The following EPHA6 variants were observed in gnomAD, a reference collection of about 807,000 sequenced individuals.
The protein encoded by EPHA6 is ephrin type-A receptor 6.
In EPHA6, 50 loss-of-function variants were observed where a neutral mutation model predicts 112.0. The observed-to-expected ratio is 0.45, with a 90% CI of 0.36 to 0.56. The LOEUF (loss-of-function observed/expected upper bound fraction) is 0.56. Among genes scored for constraint, EPHA6 ranks in the 20% least tolerant of loss-of-function variants. The pLI, the probability that EPHA6 is intolerant of heterozygous loss-of-function variation, is 0.00. For synonymous variants in EPHA6, 529 were observed against 490.7 expected (o/e 1.08, Z -1.03); for missense variants, 1,280 against 1,417.4 (o/e 0.90, Z 1.56).
At chr3:97,356,810 A>G (rs1293829272) in intron 5 of EPHA6, among the ~76,000 whole-genome samples, 2 of 152,062 alleles carry the variant, frequency 1.3e-5, no homozygotes, top group Admixed American at 6.6e-5. Context: ...TAGTAGGTTC[A>G]TTGTGGTTTA....
intron 3 of EPHA6, among the ~76,000 whole-genome samples, chr3:97,161,646 A>G (rs1030448049): frequency 7.2e-5 from 11 of 152,092 alleles, no homozygotes; most frequent in Admixed American, 3.9e-4. Context: ...GAGAGGTCAG[A>G]TGCAACAACT....
At chr3:97,291,860 C>A (rs2108686894) in intron 5 of EPHA6, among the ~76,000 whole-genome samples, 1 of 152,320 alleles carries the variant, frequency 6.6e-6, no homozygotes, top group African/African-American at 2.4e-5. Flanking sequence ...CAGCCGGAAA[C>A]CTCTGTGGCC....
At chr3:97,154,867 G>C (rs927567867) in intron 3 of EPHA6, among the ~76,000 whole-genome samples, 2 of 152,070 alleles carry the variant, frequency 1.3e-5, no homozygotes, top group African/African-American at 4.8e-5. Flanking sequence ...ATCTCAATTA[G>C]TTTAATTGAC....
intron 14 of EPHA6, among the ~76,000 whole-genome samples, chr3:97,639,956 T>G (rs2093986228): frequency 6.6e-6 from 1 of 152,028 alleles, no homozygotes; most frequent in African/African-American, 2.4e-5. Context: ...AATCAAGTTT[T>G]TTTTTTTTAA....
chr3:97,669,593 C>A (rs76239078), intron 14 of EPHA6, among the ~76,000 whole-genome samples: 5 of 144,112 alleles, frequency 3.5e-5, no homozygotes, highest in Non-Finnish European at 4.5e-5. Context: ...GATATCCCAT[C>A]TTAAAAAAAA....
chr3:96,913,380 AT>A (rs1031152178), intron 2 of EPHA6, among the ~76,000 whole-genome samples: 1 of 151,916 alleles, frequency 6.6e-6, no homozygotes, highest in African/African-American at 2.4e-5. Context: ...AAAAAAAAAA[AT>A]AATGTGGATT....
intron 3 of EPHA6, among the ~76,000 whole-genome samples, chr3:97,121,778 G>T (rs1380167482): frequency 6.6e-6 from 1 of 152,062 alleles, no homozygotes; most frequent in Non-Finnish European, 1.5e-5. Flanking sequence ...ATTGCTCCCA[G>T]TGTCCCATTT....
intron 13 of EPHA6, among the ~76,000 whole-genome samples, chr3:97,617,684 A>C (rs2093777920): frequency 6.6e-6 from 1 of 152,156 alleles, no homozygotes; most frequent in South Asian, 2.1e-4. Flanking sequence ...AAAGACAAAG[A>C]AAGGTATTAC....
intron 2 of EPHA6, among the ~76,000 whole-genome samples, chr3:96,974,293 A>G (rs972728683): frequency 8.7e-5 from 13 of 149,290 alleles, no homozygotes; most frequent in Non-Finnish European, 1.2e-4. Context: ...TTAGCTTGCT[A>G]TGGAAATGAA....
chr3:97,759,383 C>G lies in EPHA6; in HGVS notation c.*10682C>G, dbSNP rs2036102160. 4.4e-6 allele frequency: 1 copy of G among 224,910 alleles called. No individual in the cohort carries two copies. Among genetic ancestry groups the G allele is most frequent in the South Asian group, 1.8e-4 (1 of 5,438 alleles). The allele number at this position is 224,910 out of a possible 1,614,324, so 13.9% of individuals were successfully genotyped here. On this transcript the variant is annotated 3_prime_UTR_variant, in exon 18 of 18. Transcript: ENST00000389672. ...ATCTATAAACAACTCTCTCAAAAAG[C>G]TTTGATGTAAAGGGAGCAAGAGAAA...
chr3:96,854,758 T>C (rs2035595732), intron 1 of EPHA6, among the ~76,000 whole-genome samples: 1 of 152,124 alleles, frequency 6.6e-6, no homozygotes, highest in Admixed American at 6.5e-5. Context: ...TGAGGCTGCA[T>C]TGAATTCAAT....
chr3:97,409,043 T>A (rs2087542592), intron 6 of EPHA6, among the ~76,000 whole-genome samples: 2 of 152,094 alleles, frequency 1.3e-5, no homozygotes, highest in African/African-American at 4.8e-5. Context: ...TCTCTCTTTG[T>A]TCAGAACTCA....
At chr3:97,739,371 T>C (rs2035406821) in intron 16 of EPHA6, among the ~76,000 whole-genome samples, 1 of 152,190 alleles carries the variant, frequency 6.6e-6, no homozygotes, top group East Asian at 1.9e-4. Flanking sequence ...TCCATTCTAA[T>C]TGCTTTTTTC....
intron 14 of EPHA6, among the ~76,000 whole-genome samples, chr3:97,717,599 T>C (rs1378127147): frequency 6.6e-6 from 1 of 152,130 alleles, no homozygotes; most frequent in Non-Finnish European, 1.5e-5. Context: ...AAGAACAAAG[T>C]CATATTAGAT....
chr3:97,354,227 C>T (rs1479586011), intron 5 of EPHA6, among the ~76,000 whole-genome samples: 1 of 152,016 alleles, frequency 6.6e-6, no homozygotes, highest in East Asian at 1.9e-4. Context: ...TCTTCAGTGC[C>T]CAAACATCGA....
intron 15 of EPHA6, among the ~76,000 whole-genome samples, chr3:97,735,447 A>G (rs1442824337): frequency 6.6e-6 from 1 of 152,056 alleles, no homozygotes; most frequent in Non-Finnish European, 1.5e-5. Context: ...GAAAGAAGGG[A>G]TGATGGTTAG....
intron 3 of EPHA6, among the ~76,000 whole-genome samples, chr3:97,008,879 C>T (rs1190722730): frequency 2.0e-5 from 3 of 151,962 alleles, no homozygotes; most frequent in African/African-American, 7.3e-5. Context: ...ATAGTCAGGT[C>T]CCTCTTCTGT....
At chr3:97,164,685 G>C (rs972843928) in intron 3 of EPHA6, among the ~76,000 whole-genome samples, 1 of 151,954 alleles carries the variant, frequency 6.6e-6, no homozygotes, top group South Asian at 2.1e-4. Flanking sequence ...GGCATATGTG[G>C]TTCCCAGTGG....
intron 6 of EPHA6, among the ~76,000 whole-genome samples, chr3:97,418,161 ACTC>A (rs1184977894): frequency 1.3e-5 from 2 of 151,316 alleles, no homozygotes; most frequent in East Asian, 1.9e-4. Context: ...ATAAGAAAAA[ACTC>A]AATAAATAGA....
Sources: gnomAD v4.1 joint callset for allele counts (sites outside exome capture counted in the v4.1 genomes callset) on GRCh38, gnomAD v4.1.1 for gene constraint, MANE v1.5 for transcripts, NCBI Gene and HGNC (gene_info 2026-07-23, HGNC 2026-07-21) for gene names.